The following MED16 variants were observed in gnomAD, a reference collection of about 807,000 sequenced individuals.
The protein encoded by MED16 is mediator of RNA polymerase II transcription subunit 16.
A neutral mutation model predicts 84.4 loss-of-function variants in MED16; 81 were observed. That is an observed-to-expected ratio of 0.96 (90% CI 0.80 to 1.15). MED16 has a LOEUF of 1.15. Ranked by LOEUF, MED16 falls within the 50% of genes most tolerant of loss-of-function variation. The pLI is 0.00. For synonymous variants in MED16, 897 were observed against 552.2 expected (o/e 1.62, Z -8.76); for missense variants, 1,585 against 1,245.9 (o/e 1.27, Z -4.10).
rs191512176 is a variant in MED16 at position 882,676 on chromosome 19, C to T, written c.986-962G>A. On this transcript the variant is annotated intron_variant, in intron 6 of 15. Transcript: ENST00000325464. ...CCACCTCGGCTGCTAACCGCAGACA[C>T]GTGGGAACCAGGAGAGCGCAGCTGA... is the stretch of plus-strand genomic sequence containing the variant. Among the ~76,000 whole-genome samples, 14 of 152,316 alleles carry T rather than the reference C, an allele frequency of 9.2e-5. No homozygotes were observed. In the East Asian group the frequency reaches 2.1e-3, roughly 23 times the overall value.
rs7257260 is a variant in MED16 at position 870,592 on chromosome 19, G to A, written c.2315+445C>T. 9.8e-3 allele frequency among the ~76,000 whole-genome samples: 1,485 copies of A among 151,698 alleles called. 33 individuals carry two copies. Among genetic ancestry groups the A allele is most frequent in the African/African-American group, 0.033 (1,370 of 41,310 alleles). On this transcript the variant is annotated intron_variant, in intron 13 of 15. Coordinates refer to ENST00000325464, the MANE Select transcript of MED16 (RefSeq NM_005481.3). ...AAAAAAAAAAAAAAAAAGGGAGAGG[G>A]TGAATGGAAGGGCTGGGTGCCCGTG...
intron 6 of MED16, 46 bp downstream of exon 6, chr19:884,857 C>T (rs367646714): frequency 6.7e-6 from 10 of 1,486,882 alleles, no homozygotes; most frequent in South Asian, 2.4e-5. Flanking sequence ...AAACCAACCG[C>T]CCCCGAGGGC....
At chr19:882,386 GCACGCCTGCA>G (rs71952964) in intron 6 of MED16, among the ~76,000 whole-genome samples, 38,184 of 151,944 alleles carry the variant, frequency 0.25, 5,105 homozygotes, top group African/African-American at 0.31. Flanking sequence ...TGGTGGTGAT[GCACGCCTGCA>G]CACGCCTGTA....
intron 8 of MED16, among the ~76,000 whole-genome samples, chr19:878,338 C>T (rs2036315322): frequency 8.5e-6 from 1 of 117,102 alleles, no homozygotes; most frequent in Non-Finnish European, 1.8e-5. Flanking sequence ...CTCACCTTCC[C>T]GTGGTTGTCA....
In MED16 at chr19:877,060, G is replaced by A. The variant is rs752696230; in HGVS notation, c.1474C>T (p.Leu492=). The A allele has an allele frequency of 1.9e-6, 3 of 1,612,618 alleles. No homozygotes were observed. The highest frequency in any genetic ancestry group is 1.7e-4 in the Middle Eastern group (1 of 6,056). ...MVTGYDWWDI[L]LHVQPSMVQS... ...ACCATACTGGGCTGCACGTGCAGCA[G>A]GATGTCCCACCAGTCGTAGCCGGTC... The change falls in exon 9 of 16, where the codon CTG becomes TTG. Residue 492 remains leucine (L), a synonymous_variant. Transcript: ENST00000325464.
At chr19:890,910 C>T in intron 2 of MED16, 53 bp downstream of exon 2, 1 of 1,571,016 alleles carries the variant, frequency 6.4e-7, no homozygotes, top group South Asian at 1.1e-5. Flanking sequence ...ACCTGGGGAA[C>T]AGGGCGGGAC....
chr19:876,897 G>GCCCCACCTGCCATGGGTC lies in MED16; in HGVS notation c.1560+76_1560+77insGACCCATGGCAGGTGGGG, dbSNP rs1568324609. 131 of 1,358,386 alleles carry GCCCCACCTGCCATGGGTC rather than the reference G, an allele frequency of 9.6e-5. 1 individual carries two copies. The highest frequency in any genetic ancestry group is 1.2e-4 in the Non-Finnish European group (126 of 1,027,966). The allele number at this position is 1,358,386 out of a possible 1,614,324, so 84.1% of individuals were successfully genotyped here. On this transcript the variant is annotated intron_variant, in intron 9 of 15. Coordinates refer to ENST00000325464, the MANE Select transcript of MED16 (RefSeq NM_005481.3). The stretch of plus-strand genomic sequence containing the variant: ...CCACGGGGCCCCCACCTGCCACGGG[G>GCCCCACCTGCCATGGGTC]CCCCACCTGCCACGGGGCCCCCACC...
In MED16 at chr19:868,114, T is replaced by A. The variant is rs534242015; in HGVS notation, c.2621A>T (p.Glu874Val). Residue 874 changes from glutamate (E) to valine (V), a missense_variant, in exon 16 of 16, where the codon GAG becomes GTG. Physicochemically the swap from Glu to Val is moderately radical, Grantham distance 121 (BLOSUM62 -2). Transcript: ENST00000325464. Reference protein sequence around the residue: ...TPRSLDHLHPEDRP With the variant: ...TPRSLDHLHPVDRP Reference sequence around the variant, plus strand: ...GACCCCCGGCCGTCACGGACGGTCCTCTGGATGCAGATGGTCCAGGGATCT... The same window carrying A: ...GACCCCCGGCCGTCACGGACGGTCCACTGGATGCAGATGGTCCAGGGATCT... 5.5e-5 allele frequency: 88 copies of A among 1,609,944 alleles called. No individual in the cohort carries two copies. The South Asian group carries it at 9.5e-4, about 17-fold the overall frequency.
At chr19:872,187 G>C in intron 11 of MED16, 69 bp from the exon 12 acceptor site, 1 of 1,420,300 alleles carries the variant, frequency 7.0e-7, no homozygotes, top group Admixed American at 2.0e-5. Context: ...AAGTGTCTTG[G>C]GGTCGGTGGA....
At chr19:887,965 G>A (rs973300243) in intron 4 of MED16, among the ~76,000 whole-genome samples, 2 of 152,124 alleles carry the variant, frequency 1.3e-5, no homozygotes, top group African/African-American at 2.4e-5. Context: ...CACTTTGGGA[G>A]GCCAAGACAG....
chr19:874,978 C>A (rs1340343750), intron 10 of MED16, among the ~76,000 whole-genome samples: 1 of 151,328 alleles, frequency 6.6e-6, no homozygotes, highest in African/African-American at 2.4e-5. Flanking sequence ...GCCTGGCCAA[C>A]ATGGTGAAAC....
At chr19:881,779 G>A (rs970094606) in intron 6 of MED16, 65 bp from the exon 7 acceptor site, 9 of 1,560,362 alleles carry the variant, frequency 5.8e-6, no homozygotes, top group Middle Eastern at 1.8e-4. Flanking sequence ...ACAGCCGCAG[G>A]AGTCCAGCAT....
chr19:876,505 CA>C lies in MED16; in HGVS notation c.1560+468del, dbSNP rs1210827803. Among the ~76,000 whole-genome samples, 18 of 152,210 alleles carry C rather than the reference CA, an allele frequency of 1.2e-4. No homozygotes were observed. In the East Asian group the frequency reaches 3.5e-3, roughly 29 times the overall value. On this transcript the variant is annotated intron_variant, in intron 9 of 15. Transcript: ENST00000325464. ...GGGAACACTGGAGAGGGGAGCCGTC[CA>C]GGGGGGATCAGGCCTTACCTGTGGG...
intron 6 of MED16, among the ~76,000 whole-genome samples, chr19:882,677 G>A (rs937103295): frequency 2.5e-4 from 38 of 152,368 alleles, no homozygotes; most frequent in African/African-American, 7.7e-4. Context: ...CCGCAGACAC[G>A]TGGGAACCAG....
intron 9 of MED16, among the ~76,000 whole-genome samples, chr19:876,684 GCCCCCAACCTGCCGCAGGGAAACC>G (rs1332862077): frequency 6.6e-6 from 1 of 152,018 alleles, no homozygotes; most frequent in Non-Finnish European, 1.5e-5. Flanking sequence ...CTGCCATAGA[GCCCCCAACCTGCCGCAGGGAAACC>G]CCTCCAGCTG....
Position 873,257 on chromosome 19 carries a change from ACCAGGG to A in MED16, c.1905+186_1905+191del, listed in dbSNP as rs1568321478. Among the ~76,000 whole-genome samples the A allele has an allele frequency of 3.9e-3, 485 of 124,352 alleles. 14 individuals are homozygous for A. The East Asian group carries it at 0.091, about 23-fold the overall frequency. 81.6% of individuals were successfully genotyped at this position (124,352 alleles called of 152,430 possible). On this transcript the variant is annotated intron_variant, in intron 11 of 15. Transcript: ENST00000325464. ...GACTCCAAGTAGGGGTGGGACTCCA[ACCAGGG>A]GCGGGGCTGAGGTGGGACTCCAAGC...
chr19:873,634 G>A (rs937527636), intron 10 of MED16, 52 bp from the exon 11 acceptor site: 1 of 1,601,018 alleles, frequency 6.2e-7, no homozygotes, highest in African/African-American at 1.3e-5. Flanking sequence ...CACACAGGGT[G>A]ACCTAACTGC....
chr19:877,236 G>C (rs370135829), intron 8 of MED16, 56 bp from the exon 9 acceptor site: 13 of 1,537,404 alleles, frequency 8.5e-6, no homozygotes, highest in African/African-American at 1.4e-5. Context: ...GCCCTCAGCC[G>C]GGAGAGGAAT....
intron 10 of MED16, among the ~76,000 whole-genome samples, chr19:874,996 C>G (rs1410907612): frequency 3.3e-5 from 5 of 151,650 alleles, no homozygotes; most frequent in Non-Finnish European, 7.4e-5. Context: ...AACCCCGTCT[C>G]TACTAAAAAT....
Sources: allele counts gnomAD v4.1 joint callset (sites outside exome capture counted in the v4.1 genomes callset), GRCh38; gene constraint gnomAD v4.1.1; transcripts MANE v1.5; gene names NCBI Gene and HGNC (gene_info 2026-07-23, HGNC 2026-07-21).